Variants in ITPR1 observed in about 807,000 individuals in gnomAD.
ITPR1 encodes the protein inositol 1,4,5-trisphosphate receptor type 1.
In ITPR1, 96 loss-of-function variants were observed where a neutral mutation model predicts 318.4. The ratio of observed to expected loss-of-function variants is 0.30; its 90% CI spans 0.26 to 0.36. The LOEUF (loss-of-function observed/expected upper bound fraction) is 0.36. ITPR1 is among the 10% of genes least tolerant of loss of function. The probability of loss-of-function intolerance (pLI) is 1.00; values close to 1 mark genes in which losing one functional copy is unlikely to be tolerated. For missense variants in ITPR1, 2,440 were observed against 3,460.2 expected (o/e 0.71, Z 7.40); for synonymous variants, 1,312 against 1,289.9 (o/e 1.02, Z -0.37).
chr3:4,697,314 A>AT (rs1553699242), intron 34 of ITPR1, 42 bp downstream of exon 34: 1 of 1,105,994 alleles, frequency 9.0e-7, no homozygotes. Context: ...GGAGAGTGAG[A>AT]GGTGTGTGTG....
chr3:4,645,847 C>A, intron 10 of ITPR1, 119 bp downstream of exon 10: 2 of 867,346 alleles, frequency 2.3e-6, no homozygotes, highest in Non-Finnish European at 3.6e-6. Context: ...TGTCTATACA[C>A]CCACATACAC....
intron 4 of ITPR1, among the ~76,000 whole-genome samples, chr3:4,584,100 C>T (rs1481710907): frequency 2.6e-5 from 4 of 152,070 alleles, no homozygotes; most frequent in African/African-American, 9.7e-5. Context: ...CATAATTTTG[C>T]TCACGTTAAA....
Position 4,699,845 on chromosome 3 carries a change from A to C in ITPR1, c.4440A>C (p.Ala1480=). The C allele has an allele frequency of 6.2e-7, 1 of 1,613,940 alleles. No individual in the cohort carries two copies. Residue 1480 remains alanine (A), a synonymous_variant, in exon 35 of 62, where the codon GCA becomes GCC. Transcript: ENST00000649015. ...ACAACACTAGTGACAGGAAACATGC[A>C]GACTCGATTTTGGAGAAGTATGTCA... ...ACNNTSDRKH[A]DSILEKYVTE... is the part of the protein sequence containing the mutation.
intron 21 of ITPR1, 116 bp downstream of exon 21, chr3:4,673,503 T>G (rs758429008): frequency 9.3e-7 from 1 of 1,074,180 alleles, no homozygotes; most frequent in South Asian, 2.5e-5. Flanking sequence ...TCTTCAAGCT[T>G]AAAATAAAAT....
At chr3:4,815,599 A>G (rs2049240359) in intron 59 of ITPR1, among the ~76,000 whole-genome samples, 1 of 152,182 alleles carries the variant, frequency 6.6e-6, no homozygotes. Flanking sequence ...AACCTGGCAC[A>G]CTATAGGCAC....
intron 4 of ITPR1, among the ~76,000 whole-genome samples, chr3:4,576,275 T>C (rs558166235): frequency 1.3e-5 from 2 of 152,310 alleles, no homozygotes; most frequent in African/African-American, 4.8e-5. Flanking sequence ...AGTACCCAAA[T>C]TGGTCTTTGG....
intron 2 of ITPR1, among the ~76,000 whole-genome samples, chr3:4,503,679 C>T (rs1188364547): frequency 6.6e-6 from 1 of 152,008 alleles, no homozygotes; most frequent in Non-Finnish European, 1.5e-5. Flanking sequence ...GCCCCCCACT[C>T]CCCTGCCCCA....
intron 4 of ITPR1, among the ~76,000 whole-genome samples, chr3:4,544,396 C>T (rs758978138): frequency 1.3e-5 from 2 of 152,206 alleles, no homozygotes; most frequent in Non-Finnish European, 2.9e-5. Context: ...TTACTCTAGC[C>T]ATCTCAAATG....
At chr3:4,727,831 C>G (rs530368425) in intron 42 of ITPR1, among the ~76,000 whole-genome samples, 2 of 152,350 alleles carry the variant, frequency 1.3e-5, no homozygotes, top group Admixed American at 1.3e-4. Flanking sequence ...TTGCCTTGGC[C>G]TCCCAAAGTG....
In ITPR1 at chr3:4,795,092, G is replaced by A. The variant is rs753036913; in HGVS notation, c.6836G>A (p.Arg2279His). Residue 2279 changes from arginine (R) to histidine (H), a missense_variant, in exon 53 of 62, where the codon CGC becomes CAC. Physicochemically the swap from Arg to His is conservative, Grantham distance 29. Coordinates refer to ENST00000649015, the MANE Select transcript of ITPR1 (RefSeq NM_001378452.1). ...RAQPVLYWCA[R>H]NMSFWSSISF... ...CAGCCCGTGTTGTACTGGTGTGCCC[G>A]CAACATGTCTTTCTGGAGCAGCATT... 5.0e-6 allele frequency: 8 copies of A among 1,613,488 alleles called. No individual in the cohort carries two copies. Among genetic ancestry groups the A allele is most frequent in the South Asian group, 3.3e-5 (3 of 90,980 alleles).
At chr3:4,542,815 A>G (rs1449661216) in intron 4 of ITPR1, among the ~76,000 whole-genome samples, 1 of 152,226 alleles carries the variant, frequency 6.6e-6, no homozygotes, top group Admixed American at 6.5e-5. Flanking sequence ...AGATATTCTC[A>G]GAGTTCTCGC....
chr3:4,558,965 A>G (rs2086410402), intron 4 of ITPR1, among the ~76,000 whole-genome samples: 1 of 152,114 alleles, frequency 6.6e-6, no homozygotes, highest in Non-Finnish European at 1.5e-5. Context: ...AACAAAACTA[A>G]CAATTCCTTA....
intron 10 of ITPR1, among the ~76,000 whole-genome samples, chr3:4,650,109 T>G (rs1434373536): frequency 6.6e-6 from 1 of 152,236 alleles, no homozygotes; most frequent in Non-Finnish European, 1.5e-5. Context: ...TGTATCATAT[T>G]TTATTTACCC....
intron 48 of ITPR1, among the ~76,000 whole-genome samples, chr3:4,778,859 C>T (rs1052676208): frequency 1.3e-5 from 2 of 152,168 alleles, no homozygotes; most frequent in Non-Finnish European, 2.9e-5. Flanking sequence ...AACCCAACAG[C>T]TTTCAAGTCC....
chr3:4,609,877 G>C (rs2091970751), intron 4 of ITPR1, among the ~76,000 whole-genome samples: 1 of 152,176 alleles, frequency 6.6e-6, no homozygotes, highest in South Asian at 2.1e-4. Flanking sequence ...AGCAGTGACA[G>C]CTCTGCTCAG....
In ITPR1 at chr3:4,788,024, A is replaced by C; in HGVS notation, c.6693A>C (p.Ser2231=). Reference sequence around the variant, plus strand: ...TATGTGAATTCCTAACCAAGGAGTCAAAACTACGAATTTACTATACTACAG... The same window carrying C: ...TATGTGAATTCCTAACCAAGGAGTCCAAACTACGAATTTACTATACTACAG... The part of the protein sequence containing the change: ...PSICEFLTKE[S]KLRIYYTTER... The change falls in exon 52 of 62, where the codon TCA becomes TCC. Residue 2231 remains serine, a synonymous_variant. Transcript: ENST00000649015. 1 of 1,612,948 alleles carries C rather than the reference A, an allele frequency of 6.2e-7. No homozygotes were observed. The highest frequency in any genetic ancestry group is 8.5e-7 in the Non-Finnish European group (1 of 1,179,334).
At chr3:4,782,558 A>T in intron 49 of ITPR1, 61 bp from the exon 50 acceptor site, 3 of 1,537,214 alleles carry the variant, frequency 2.0e-6, no homozygotes, top group Non-Finnish European at 2.6e-6. Context: ...CATGCTGTCC[A>T]TCCAGTCCTG....
rs555883775 is a variant in ITPR1, at chr3:4,685,022, A to G, written c.3565-47A>G. On this transcript the variant is annotated intron_variant, in intron 29 of 61. Transcript: ENST00000649015. ...CCACCACCCTCTGCAATCTTTTTCCAGCTATAGTTCCTAGTTTTCTGAGAC... is the reference window on the plus strand; with the variant it reads ...CCACCACCCTCTGCAATCTTTTTCCGGCTATAGTTCCTAGTTTTCTGAGAC... 32 of 1,585,832 alleles carry G rather than the reference A, an allele frequency of 2.0e-5. No individual in the cohort carries two copies. The South Asian group carries it at 3.0e-4, about 15-fold the overall frequency.
At chr3:4,496,719 C>G (rs2080606068) in intron 2 of ITPR1, among the ~76,000 whole-genome samples, 1 of 152,110 alleles carries the variant, frequency 6.6e-6, no homozygotes, top group South Asian at 2.1e-4. Flanking sequence ...AAAAAAGAAA[C>G]CTTTAATCCA....
Sources: allele counts gnomAD v4.1 joint callset (sites outside exome capture counted in the v4.1 genomes callset), GRCh38; gene constraint gnomAD v4.1.1; transcripts MANE v1.5; gene names NCBI Gene and HGNC (gene_info 2026-07-23, HGNC 2026-07-21).